RASSF3: variants seen among roughly 807,000 people sequenced by gnomAD.
The protein encoded by RASSF3 is Ras association domain family member 3.
In RASSF3, 19 loss-of-function variants were observed where a neutral mutation model predicts 19.9. That is an observed-to-expected ratio of 0.96 (90% confidence interval 0.67 to 1.40). RASSF3 has a LOEUF of 1.40. Among genes scored for constraint, RASSF3 ranks in the 40% most tolerant of loss-of-function variants. The pLI, the probability that RASSF3 is intolerant of heterozygous loss-of-function variation, is 0.00. For missense variants in RASSF3, 306 were observed against 289.8 expected (o/e 1.06, Z -0.41); for synonymous variants, 110 against 104.2 (o/e 1.06, Z -0.34).
chr12:64,660,496 A>G (rs554566631), intron 1 of RASSF3, among the ~76,000 whole-genome samples: 3 of 152,268 alleles, frequency 2.0e-5, no homozygotes, highest in South Asian at 4.1e-4. Context: ...GCTTGGTGCT[A>G]TGAGGGACAA....
chr12:64,665,699 T>C (rs1374243719), intron 1 of RASSF3, among the ~76,000 whole-genome samples: 1 of 152,220 alleles, frequency 6.6e-6, no homozygotes, highest in Non-Finnish European at 1.5e-5. Flanking sequence ...AATTTGCATG[T>C]AATTAAAAAT....
chr12:64,627,867 A>G (rs1422328040), intron 1 of RASSF3, among the ~76,000 whole-genome samples: 2 of 152,208 alleles, frequency 1.3e-5, no homozygotes, highest in African/African-American at 4.8e-5. Flanking sequence ...TCTTCCTCAA[A>G]GGCCCTGTCC....
chr12:64,639,229 C>G (rs1871427891), intron 1 of RASSF3, among the ~76,000 whole-genome samples: 1 of 152,066 alleles, frequency 6.6e-6, no homozygotes, highest in South Asian at 2.1e-4. Flanking sequence ...GAAATATTTA[C>G]TGTGTTAATG....
intron 1 of RASSF3, among the ~76,000 whole-genome samples, chr12:64,629,410 C>T (rs1181957957): frequency 6.6e-6 from 1 of 152,038 alleles, no homozygotes; most frequent in Non-Finnish European, 1.5e-5. Context: ...GCCCGTCCCA[C>T]TGCTATTCTT....
At chr12:64,507,092 C>A in exon 1 of RASSF3, 1 of 397,888 alleles carries the variant, frequency 2.5e-6, no homozygotes, top group Non-Finnish European at 4.4e-6. Flanking sequence ...AGGTGGTCCC[C>A]AGACATATTG....
chr12:64,581,612 G>A lies in RASSF3; in HGVS notation c.294+39907G>A, dbSNP rs562943641. On this transcript the variant is annotated intron_variant, in intron 2 of 5. Coordinates refer to the RASSF3 transcript ENST00000637125. The stretch of plus-strand genomic sequence containing the variant: ...TGTATGCCTGCGGTTCCAGCTACTA[G>A]GGAGGATGAGGTGGGAGGATTGCTT... 5.3e-5 allele frequency among the ~76,000 whole-genome samples: 8 copies of A among 152,172 alleles called. No individual in the cohort carries two copies. The South Asian group carries it at 1.5e-3, about 28-fold the overall frequency.
chr12:64,668,096 A>G (rs1872582303), intron 1 of RASSF3, among the ~76,000 whole-genome samples: 1 of 152,122 alleles, frequency 6.6e-6, no homozygotes, highest in Admixed American at 6.5e-5. Context: ...TTCTGCATCT[A>G]TACCATGGGG....
chr12:64,662,654 C>T (rs1872410008), intron 1 of RASSF3, among the ~76,000 whole-genome samples: 1 of 152,166 alleles, frequency 6.6e-6, no homozygotes, highest in Admixed American at 6.5e-5. Flanking sequence ...CTTCCATGGT[C>T]TCTGCGTGTG....
chr12:64,591,252 G>A (rs760775421), intron 2 of RASSF3, among the ~76,000 whole-genome samples: 12 of 152,046 alleles, frequency 7.9e-5, no homozygotes, highest in African/African-American at 2.7e-4. Context: ...CGAGGCAGGC[G>A]GATCACGAGG....
At chr12:64,509,923 C>G (rs1429008649) in intron 1 of RASSF3, among the ~76,000 whole-genome samples, 1 of 151,986 alleles carries the variant, frequency 6.6e-6, no homozygotes, top group Non-Finnish European at 1.5e-5. Flanking sequence ...CCCATCTCTA[C>G]TAAAAATGCA....
intron 2 of RASSF3, among the ~76,000 whole-genome samples, chr12:64,550,431 G>A (rs1043415501): frequency 1.3e-5 from 2 of 152,042 alleles, no homozygotes; most frequent in Non-Finnish European, 2.9e-5. Flanking sequence ...TTGGGAGGCC[G>A]AGGTGGGTGG....
At chr12:64,542,887 C>T (rs1868957720), downstream of RASSF3, among the ~76,000 whole-genome samples, 1 of 152,180 alleles carries the variant, frequency 6.6e-6, no homozygotes, top group Non-Finnish European at 1.5e-5. Context: ...CCTGGGATGG[C>T]CGAGGCCGGA....
chr12:64,639,876 T>C (rs1037064679), intron 1 of RASSF3, among the ~76,000 whole-genome samples: 2 of 152,240 alleles, frequency 1.3e-5, no homozygotes, highest in African/African-American at 4.8e-5. Flanking sequence ...CCACTTCTGG[T>C]GGATCTTGGC....
chr12:64,665,843 G>A (rs918782736), intron 1 of RASSF3, among the ~76,000 whole-genome samples: 6 of 152,214 alleles, frequency 3.9e-5, no homozygotes, highest in African/African-American at 1.4e-4. Flanking sequence ...AAGTGCAGTT[G>A]AGAATCTTCC....
chr12:64,684,274 T>G (rs568414044), intron 1 of RASSF3, among the ~76,000 whole-genome samples: 8 of 151,022 alleles, frequency 5.3e-5, no homozygotes, highest in African/African-American at 1.9e-4. Flanking sequence ...TTTGTAGAGA[T>G]AGAGTTTCCT....
intron 2 of RASSF3, among the ~76,000 whole-genome samples, chr12:64,590,610 A>C (rs940830243): frequency 7.9e-5 from 12 of 152,202 alleles, no homozygotes; most frequent in Non-Finnish European, 1.5e-5. Context: ...CTACTATTTA[A>C]CCAGAGTGCT....
chr12:64,682,944 C>G (rs1565870497), intron 1 of RASSF3, among the ~76,000 whole-genome samples: 1 of 152,176 alleles, frequency 6.6e-6, no homozygotes. Context: ...CACACCAGAC[C>G]TTTGGGGACT....
chr12:64,527,975 C>G (rs919568468), intron 1 of RASSF3, among the ~76,000 whole-genome samples: 1 of 149,368 alleles, frequency 6.7e-6, no homozygotes. Flanking sequence ...AAAATTGATA[C>G]AGGCCAGGTG....
intron 1 of RASSF3, among the ~76,000 whole-genome samples, chr12:64,618,097 T>C (rs1399309947): frequency 6.6e-6 from 1 of 152,200 alleles, no homozygotes; most frequent in East Asian, 1.9e-4. Context: ...AGGTCTCTTT[T>C]TTCTTTTCTT....
Sources: allele counts gnomAD v4.1 joint callset (sites outside exome capture counted in the v4.1 genomes callset), GRCh38; gene constraint gnomAD v4.1.1; transcripts MANE v1.5; gene names NCBI Gene and HGNC (gene_info 2026-07-23, HGNC 2026-07-21).